Variants in TMEM25 observed in about 807,000 individuals in gnomAD.
TMEM25 encodes the protein 0610039J01Rik.
Under a neutral mutation model 37.0 loss-of-function variants are expected in TMEM25, and 36 were observed. The ratio of observed to expected loss-of-function variants is 0.97; its 90% CI spans 0.75 to 1.28. TMEM25 has a LOEUF of 1.28. TMEM25 is among the 50% of genes most tolerant of loss of function. The pLI, the probability that TMEM25 is intolerant of heterozygous loss-of-function variation, is 0.00. For synonymous variants in TMEM25, 197 were observed against 203.7 expected, an observed-to-expected ratio of 0.97 and a Z score of 0.28; for missense variants, 444 against 477.9, an observed-to-expected ratio of 0.93 and a Z score of 0.66.
intron 8 of TMEM25, chr11:118,545,426 C>G: frequency 1.9e-6 from 3 of 1,612,780 alleles, no homozygotes; most frequent in Non-Finnish European, 2.5e-6. Context: ...TTCTTGAATT[C>G]TGAGTAGAGG....
At position 118,531,249 on chromosome 11, in the gene TMEM25, T is replaced by A; in HGVS notation, c.-28+15T>A. ...GAGGGAGCCAGGTGAGCCGCCCCGGTGGCGGGGGGCGGGGGCGGGATGCTC... is the reference window on the plus strand; with the variant it reads ...GAGGGAGCCAGGTGAGCCGCCCCGGAGGCGGGGGGCGGGGGCGGGATGCTC... On this transcript the variant is annotated intron_variant, in intron 1 of 8. Transcript: ENST00000313236. 2.6e-6 allele frequency: 1 copy of A among 384,462 alleles called. No homozygotes were observed. The highest frequency in any genetic ancestry group is 2.2e-5 in the African/African-American group (1 of 45,788). The allele number at this position is 384,462 out of a possible 1,614,324, so 23.8% of individuals were successfully genotyped here.
At chr11:118,531,712 C>T (rs1565329646) in intron 1 of TMEM25, 63 bp from the exon 2 acceptor site, 1 of 1,221,690 alleles carries the variant, frequency 8.2e-7, no homozygotes, top group Non-Finnish European at 1.1e-6. Context: ...AGAGTAAATT[C>T]CTGGAGCAAT....
downstream of TMEM25, among the ~76,000 whole-genome samples, chr11:118,537,254 A>G (rs1434163786): frequency 6.6e-6 from 1 of 151,940 alleles, no homozygotes; most frequent in Non-Finnish European, 1.5e-5. Context: ...GGCAGGAGAA[A>G]TGCTGGAACC....
Position 118,535,727 on chromosome 11 carries a change from A to T in TMEM25, c.*1147A>T, listed in dbSNP as rs924827067. ...TGATTGGAAATTAATATAGTACAGA[A>T]TATATTTTTCCCTTGTTGAGATCTT... On this transcript the variant is annotated 3_prime_UTR_variant, in exon 9 of 9. Coordinates refer to ENST00000313236, the MANE Select transcript of TMEM25 (RefSeq NM_032780.4). 8.6e-6 allele frequency: 12 copies of T among 1,389,812 alleles called. No homozygotes were observed. Among genetic ancestry groups the T allele is most frequent in the South Asian group, 1.8e-5 (1 of 54,710 alleles). The allele number at this position is 1,389,812 out of a possible 1,614,324, so 86.1% of individuals were successfully genotyped here. A position where few individuals can be genotyped will look rare whatever the true frequency, so the allele number is the denominator to read the frequency against.
intron 1 of TMEM25, chr11:118,531,451 C>T (rs572353458): frequency 2.2e-6 from 1 of 452,364 alleles, no homozygotes; most frequent in East Asian, 4.1e-5. Flanking sequence ...GGGAGGGGCG[C>T]GTGGAGTATG....
chr11:118,545,562 A>G, intron 8 of TMEM25: 1 of 1,353,276 alleles, frequency 7.4e-7, no homozygotes, highest in Non-Finnish European at 1.1e-6. Flanking sequence ...CCTTCTGTCT[A>G]GCACAGGCAA....
At chr11:118,543,291 C>G (rs1223604751) in intron 8 of TMEM25, among the ~76,000 whole-genome samples, 2 of 152,086 alleles carry the variant, frequency 1.3e-5, no homozygotes, top group Non-Finnish European at 2.9e-5. Context: ...GAAACAGTTC[C>G]TCTCCTACCC....
At position 118,535,495 on chromosome 11, in the gene TMEM25, G is replaced by A; in HGVS notation, c.*915G>A. 1 of 1,527,054 alleles carries A rather than the reference G, an allele frequency of 6.5e-7. No homozygotes were observed. Among genetic ancestry groups the A allele is most frequent in the Non-Finnish European group, 8.8e-7 (1 of 1,140,726 alleles). The allele number at this position is 1,527,054 out of a possible 1,614,324, so 94.6% of individuals were successfully genotyped here. A position where few individuals can be genotyped will look rare whatever the true frequency, so the allele number is the denominator to read the frequency against. ...GTGTCCTGAGCTCTCGGGGTTGATG[G>A]TTTTTCTCTCAGCATGTCTCCTCCA... On this transcript the variant is annotated 3_prime_UTR_variant, in exon 9 of 9. Coordinates refer to ENST00000313236, the MANE Select transcript of TMEM25 (RefSeq NM_032780.4).
At chr11:118,542,488 G>T (rs1307508663) in intron 8 of TMEM25, among the ~76,000 whole-genome samples, 3 of 152,150 alleles carry the variant, frequency 2.0e-5, no homozygotes, top group Non-Finnish European at 4.4e-5. Context: ...AATATTGAGG[G>T]CCAGGCGCAG....
rs553026170 is a variant in TMEM25 at position 118,543,339 on chromosome 11, ATTTTG to A, written c.1028-2765_1028-2761del. Among the ~76,000 whole-genome samples, 507 of 151,884 alleles carry A rather than the reference ATTTTG, an allele frequency of 3.3e-3. 4 individuals are homozygous for A. Among genetic ancestry groups the A allele is most frequent in the Middle Eastern group, 0.01 (3 of 294 alleles). On this transcript the variant is annotated intron_variant, in intron 8 of 8. Coordinates refer to the TMEM25 transcript ENST00000354284. ...TGTATCTATTAGGCTGATGGTATCGATTTTGTTTTGTTTTGTTTTTTTAGACAGCA... is the reference window on the plus strand; with the variant it reads ...TGTATCTATTAGGCTGATGGTATCGATTTTGTTTTGTTTTTTTAGACAGCA...
At chr11:118,538,487 G>A (rs1951538931), downstream of TMEM25, among the ~76,000 whole-genome samples, 2 of 151,948 alleles carry the variant, frequency 1.3e-5, no homozygotes, top group African/African-American at 2.4e-5. Flanking sequence ...AATAATAGCC[G>A]TTCTGATTGG....
rs527340652 is a variant in TMEM25, at chr11:118,544,577, G to A, written c.1028-1542G>A. On this transcript the variant is annotated intron_variant, in intron 8 of 8. Transcript: ENST00000354284. ...TAAAATCTTTACTCACTAACTTTACGAATGAAAGAAAACAATTCCATCCCT... is the reference window on the plus strand; with the variant it reads ...TAAAATCTTTACTCACTAACTTTACAAATGAAAGAAAACAATTCCATCCCT... 1.3e-4 allele frequency: 33 copies of A among 245,214 alleles called. 1 individual carries two copies. The highest frequency in any genetic ancestry group is 7.2e-4 in the African/African-American group (32 of 44,548). The allele number at this position is 245,214 out of a possible 1,614,324, so 15.2% of individuals were successfully genotyped here. A position where few individuals can be genotyped will look rare whatever the true frequency, so the allele number is the denominator to read the frequency against.
At position 118,532,997 on chromosome 11, in the gene TMEM25, G is replaced by T; in HGVS notation, c.463G>T (p.Val155Leu). Residue 155 changes from valine to leucine, a missense_variant, in exon 4 of 9, where the codon GTG becomes TTG. Val to Leu is a conservative substitution (Grantham distance 32). Transcript: ENST00000313236. Reference sequence around the variant, plus strand: ...CCTCCTGGTTGTCCTGTTTGCCCTGGTGCGTGCCAACCCGCCGGCCAATGT... The same window carrying T: ...CCTCCTGGTTGTCCTGTTTGCCCTGTTGCGTGCCAACCCGCCGGCCAATGT... Reference protein sequence around the residue: ...PGLLVVLFALVRANPPANVTW... With the variant: ...PGLLVVLFALLRANPPANVTW... 6.2e-7 allele frequency: 1 copy of T among 1,614,236 alleles called. No homozygotes were observed. The highest frequency in any genetic ancestry group is 2.2e-5 in the East Asian group (1 of 44,886).
chr11:118,546,463 C>T, exon 9 of TMEM25: 2 of 342,172 alleles, frequency 5.8e-6, no homozygotes, highest in African/African-American at 2.1e-5. Context: ...TGCACTCCAG[C>T]CTGGGCATAG....
At chr11:118,544,253 C>T (rs782137344) in intron 8 of TMEM25, among the ~76,000 whole-genome samples, 57 of 152,198 alleles carry the variant, frequency 3.7e-4, no homozygotes, top group Non-Finnish European at 7.5e-4. Context: ...GCAATAGCTA[C>T]GCTCCCTGAG....
rs562034540 is a variant in TMEM25, at chr11:118,532,901, C to T, written c.383-16C>T. ...GGGGCTGTGGTGAGAGCATATTGGC[C>T]TCTGCTTTGTACCAGTCAAGCCAGA... is the stretch of plus-strand genomic sequence containing the variant. On this transcript the variant is annotated splice_polypyrimidine_tract_variant and intron_variant, in intron 3 of 8. Coordinates refer to ENST00000313236, the MANE Select transcript of TMEM25 (RefSeq NM_032780.4). The T allele has an allele frequency of 2.5e-6, 4 of 1,604,796 alleles. No individual in the cohort carries two copies. Among genetic ancestry groups the T allele is most frequent in the Non-Finnish European group, 3.4e-6 (4 of 1,174,130 alleles).
intron 8 of TMEM25, chr11:118,545,469 CT>C: frequency 6.2e-7 from 1 of 1,613,636 alleles, no homozygotes; most frequent in Non-Finnish European, 8.5e-7. Flanking sequence ...GGATCCGACT[CT>C]TGTAGACAGG....
chr11:118,541,348 A>G (rs1405457168), intron 8 of TMEM25, among the ~76,000 whole-genome samples: 3 of 151,428 alleles, frequency 2.0e-5, no homozygotes, highest in Non-Finnish European at 4.4e-5. Flanking sequence ...TGTAGTCCTA[A>G]CTACTCGGGA....
At chr11:118,532,826 C>T (rs1951352234) in intron 3 of TMEM25, 91 bp from the exon 4 acceptor site, 10 of 1,522,008 alleles carry the variant, frequency 6.6e-6, no homozygotes, top group Non-Finnish European at 7.9e-6. Flanking sequence ...AGGAGAGGCC[C>T]AGGCCCCTGG....
Sources: allele counts gnomAD v4.1 joint callset (sites outside exome capture counted in the v4.1 genomes callset), GRCh38; gene constraint gnomAD v4.1.1; transcripts MANE v1.5; gene names NCBI Gene and HGNC (gene_info 2026-07-23, HGNC 2026-07-21).